PTPA: variants seen among roughly 807,000 people sequenced by gnomAD.
PTPA encodes the protein serine/threonine-protein phosphatase 2A activator.
Under a neutral mutation model 43.6 loss-of-function variants are expected in PTPA, and 13 were observed. That is an observed-to-expected ratio of 0.30 (90% CI 0.19 to 0.47). PTPA has a LOEUF of 0.47. Ranked by LOEUF, PTPA falls within the 20% of genes least tolerant of loss-of-function variation. The pLI is 0.99. For missense variants in PTPA, 329 were observed against 411.9 expected (o/e 0.80, Z 1.74); for synonymous variants, 172 against 158.2 (o/e 1.09, Z -0.66).
intron 9 of PTPA, 55 bp from the exon 10 acceptor site, chr9:129,147,332 T>C (rs1038446612): frequency 6.4e-7 from 1 of 1,570,206 alleles, no homozygotes; most frequent in African/African-American, 1.3e-5. Context: ...GTTGGGGTCC[T>C]GGCAGGGGTG....
At chr9:129,144,562 C>T (rs1248860126) in intron 9 of PTPA, among the ~76,000 whole-genome samples, 21 of 151,446 alleles carry the variant, frequency 1.4e-4, no homozygotes, top group Admixed American at 1.4e-3. Context: ...CACAGTGAAA[C>T]CCCGTCTCTA....
At chr9:129,142,191 G>A (rs554907092) in intron 8 of PTPA, 3 of 401,904 alleles carry the variant, frequency 7.5e-6, no homozygotes, top group Non-Finnish European at 1.3e-5. Flanking sequence ...GGTGGGCAAG[G>A]AATGTTATAT....
chr9:129,132,516 T>C (rs1850048018), intron 5 of PTPA, among the ~76,000 whole-genome samples: 1 of 152,128 alleles, frequency 6.6e-6, no homozygotes, highest in Non-Finnish European at 1.5e-5. Flanking sequence ...TATTTATTTA[T>C]TTGAGACAGA....
At chr9:129,118,640 G>A (rs1241337877) in intron 1 of PTPA, among the ~76,000 whole-genome samples, 1 of 152,024 alleles carries the variant, frequency 6.6e-6, no homozygotes, top group Non-Finnish European at 1.5e-5. Flanking sequence ...CTCCCAAAGT[G>A]CTGGGATTGT....
Position 129,147,428 on chromosome 9 carries a change from G to C in PTPA, c.936G>C (p.Gly312=). 6.2e-7 allele frequency: 1 copy of C among 1,614,008 alleles called. No homozygotes were observed. Among genetic ancestry groups the C allele is most frequent in the Non-Finnish European group, 8.5e-7 (1 of 1,180,002 alleles). The change falls in exon 10 of 10, where the codon GGG becomes GGC. Residue 312 remains glycine, a synonymous_variant. Coordinates refer to ENST00000393370, the MANE Select transcript of PTPA (RefSeq NM_178000.3). ...KFPVIQHFKF[G]SLLPIHPVTS... is the part of the protein sequence containing the mutation. ...CTGTGATCCAGCACTTCAAGTTCGG[G>C]AGCCTGCTGCCCATCCATCCTGTCA...
intron 1 of PTPA, among the ~76,000 whole-genome samples, chr9:129,112,300 A>G (rs1047576823): frequency 6.6e-6 from 1 of 152,188 alleles, no homozygotes; most frequent in Non-Finnish European, 1.5e-5. Context: ...TGGAGGTGCT[A>G]CGGAAGGATC....
At position 129,148,269 on chromosome 9, in the gene PTPA, CT is replaced by C. The variant is rs768303748; in HGVS notation, c.*808del. ...TGGGGTGAGGCATGTCTTTCCAGAA[CT>C]TTCCCTGGCAGGGAGGGGATGGCAG... On this transcript the variant is annotated 3_prime_UTR_variant, in exon 10 of 10. Transcript: ENST00000393370. 2.2e-4 allele frequency: 33 copies of C among 152,640 alleles called. No homozygotes were observed. The highest frequency in any genetic ancestry group is 4.0e-4 in the Non-Finnish European group (27 of 68,234). 9.5% of individuals were successfully genotyped at this position (152,640 alleles called of 1,614,324 possible). A position where few individuals can be genotyped will look rare whatever the true frequency, so the allele number is the denominator to read the frequency against.
intron 3 of PTPA, among the ~76,000 whole-genome samples, chr9:129,125,649 TTGACCCTC>T (rs1385337111): frequency 6.6e-6 from 1 of 152,190 alleles, no homozygotes; most frequent in African/African-American, 2.4e-5. Context: ...TGAATCATTT[TTGACCCTC>T]TGTTTCCTCA....
chr9:129,121,234 C>T (rs1308036201), intron 2 of PTPA, among the ~76,000 whole-genome samples: 1 of 152,174 alleles, frequency 6.6e-6, no homozygotes, highest in Non-Finnish European at 1.5e-5. Flanking sequence ...GGCTCCTGCT[C>T]CCGGCCTGGT....
At chr9:129,115,491 T>C (rs768781250) in intron 1 of PTPA, among the ~76,000 whole-genome samples, 28 of 152,310 alleles carry the variant, frequency 1.8e-4, no homozygotes, top group Admixed American at 7.2e-4. Context: ...CCAAATGTTA[T>C]ATGTTCCAGA....
intron 3 of PTPA, among the ~76,000 whole-genome samples, chr9:129,128,332 T>G (rs1358326633): frequency 6.6e-6 from 1 of 152,094 alleles, no homozygotes; most frequent in Non-Finnish European, 1.5e-5. Flanking sequence ...GGTCGGGAGT[T>G]TGAGACCAGC....
chr9:129,131,944 C>T (rs1196371623), intron 5 of PTPA, among the ~76,000 whole-genome samples: 3 of 152,142 alleles, frequency 2.0e-5, no homozygotes, highest in Non-Finnish European at 4.4e-5. Flanking sequence ...TCATCATCAC[C>T]AAAATAATTA....
At position 129,138,713 on chromosome 9, in the gene PTPA, A is replaced by T. The variant is rs545330209; in HGVS notation, c.786+1021A>T. On this transcript the variant is annotated intron_variant, in intron 8 of 9. Transcript: ENST00000393370. ...GGCTGTGTATTCTGAGCCCCCGACG[A>T]GGTGGAGAAAGCTGGGTTATAACCA... is the stretch of plus-strand genomic sequence containing the variant. 6.6e-5 allele frequency among the ~76,000 whole-genome samples: 10 copies of T among 152,286 alleles called. 1 individual carries two copies. Among genetic ancestry groups the T allele is most frequent in the African/African-American group, 2.4e-4 (10 of 41,568 alleles).
intron 9 of PTPA, among the ~76,000 whole-genome samples, chr9:129,144,655 C>T (rs988734548): frequency 1.5e-4 from 22 of 149,066 alleles, no homozygotes; most frequent in Admixed American, 1.1e-3. Context: ...AGGAGAATGG[C>T]GTGAGTCCGG....
chr9:129,129,688 C>T (rs1219106067), intron 4 of PTPA, among the ~76,000 whole-genome samples: 1 of 152,122 alleles, frequency 6.6e-6, no homozygotes, highest in Non-Finnish European at 1.5e-5. Flanking sequence ...CCAGGATGGT[C>T]TTGATCTCCT....
intron 8 of PTPA, chr9:129,140,103 T>G (rs367822779): frequency 1.3e-5 from 2 of 152,548 alleles, no homozygotes; most frequent in East Asian, 3.9e-4. Flanking sequence ...AGGAGCCATT[T>G]ACAAAAGGCC....
chr9:129,134,921 G>GGAGGGGGCGT, intron 6 of PTPA, 27 bp downstream of exon 6: 1 of 1,592,210 alleles, frequency 6.3e-7, no homozygotes, highest in Non-Finnish European at 8.6e-7. Flanking sequence ...GAGGGTTGGA[G>GGAGGGGGCGT]GAGGGGGCGT....
chr9:129,131,406 A>T (rs1849958606), intron 4 of PTPA, 116 bp from the exon 5 acceptor site: 1 of 838,858 alleles, frequency 1.2e-6, no homozygotes, highest in Non-Finnish European at 2.0e-6. Context: ...CAGAACAGGA[A>T]CCAAGCTGGC....
intron 8 of PTPA, among the ~76,000 whole-genome samples, chr9:129,140,904 C>T (rs1588531169): frequency 6.6e-6 from 1 of 152,244 alleles, no homozygotes; most frequent in East Asian, 1.9e-4. Flanking sequence ...TGCCTGGCTG[C>T]CCTCCTGGAG....
Sources: gnomAD v4.1 joint callset for allele counts (sites outside exome capture counted in the v4.1 genomes callset) on GRCh38, gnomAD v4.1.1 for gene constraint, MANE v1.5 for transcripts, NCBI Gene and HGNC (gene_info 2026-07-23, HGNC 2026-07-21) for gene names.